BICC1: variants seen among roughly 807,000 people sequenced by gnomAD.
BICC1 encodes BicC family RNA binding protein 1, also known as protein bicaudal C homolog 1.
BICC1 carries 43 observed loss-of-function variants against 111.0 expected under a neutral mutation model. The ratio of observed to expected loss-of-function variants is 0.39; its 90% CI spans 0.30 to 0.50. The LOEUF (loss-of-function observed/expected upper bound fraction) is 0.50. Among genes scored for constraint, BICC1 ranks in the 20% least tolerant of loss-of-function variants. The probability of loss-of-function intolerance (pLI) is 0.88; values close to 1 mark genes in which losing one functional copy is unlikely to be tolerated. For missense variants in BICC1, 1,091 were observed against 1,203.2 expected, an observed-to-expected ratio of 0.91 and a Z score of 1.38; for synonymous variants, 467 against 434.4, an observed-to-expected ratio of 1.07 and a Z score of -0.93.
At chr10:58,651,194 C>T (rs1838436311) in intron 2 of BICC1, among the ~76,000 whole-genome samples, 1 of 152,226 alleles carries the variant, frequency 6.6e-6, no homozygotes, top group South Asian at 2.1e-4. Context: ...AGATTTTGGC[C>T]TTGTTCACAA....
chr10:58,585,555 T>G (rs540505188), intron 1 of BICC1, among the ~76,000 whole-genome samples: 1 of 152,202 alleles, frequency 6.6e-6, no homozygotes, highest in Non-Finnish European at 1.5e-5. Flanking sequence ...TTTCCGTGAT[T>G]GCAGTCTTCG....
Position 58,817,464 on chromosome 10 carries a change from C to G in BICC1, c.2534-98C>G. 1.5e-5 allele frequency: 20 copies of G among 1,332,066 alleles called. No homozygotes were observed. The South Asian group carries it at 2.3e-4, about 15-fold the overall frequency. 82.5% of individuals were successfully genotyped at this position (1,332,066 alleles called of 1,614,324 possible). A position where few individuals can be genotyped will look rare whatever the true frequency, so the allele number is the denominator to read the frequency against. ...ACAGCTACTGCCCTATTCAGCTGAACAATGGAAGTTGAAATATTTAGGTGA... is the reference window on the plus strand; with the variant it reads ...ACAGCTACTGCCCTATTCAGCTGAAGAATGGAAGTTGAAATATTTAGGTGA... On this transcript the variant is annotated intron_variant, in intron 18 of 20. Transcript: ENST00000373886.
At chr10:58,588,195 C>A (rs956016503) in intron 1 of BICC1, among the ~76,000 whole-genome samples, 1 of 152,136 alleles carries the variant, frequency 6.6e-6, no homozygotes, top group African/African-American at 2.4e-5. Flanking sequence ...ATTCATGACC[C>A]CTGCCCCTTT....
Position 58,769,400 on chromosome 10 carries a change from G to GTATA in BICC1, c.308-15600_308-15599insATAT, listed in dbSNP as rs1202556984. On this transcript the variant is annotated intron_variant, in intron 3 of 20. Coordinates refer to ENST00000373886, the MANE Select transcript of BICC1 (RefSeq NM_001080512.3). ...TATGTGTGTGTGTGTGTGTGTGTGT[G>GTATA]TGTGTATATATATATATATATATAT... Among the ~76,000 whole-genome samples, 376 of 106,546 alleles carry GTATA rather than the reference G, an allele frequency of 3.5e-3. 4 individuals carry two copies. Among genetic ancestry groups the GTATA allele is most frequent in the Middle Eastern group, 0.011 (2 of 180 alleles). 69.9% of individuals were successfully genotyped at this position (106,546 alleles called of 152,430 possible).
intron 1 of BICC1, among the ~76,000 whole-genome samples, chr10:58,605,242 A>G (rs763604621): frequency 7.9e-5 from 12 of 152,158 alleles, no homozygotes; most frequent in African/African-American, 2.4e-4. Flanking sequence ...ATGAAATAGT[A>G]TAAAAAGACT....
chr10:58,798,352 A>T, intron 10 of BICC1, 47 bp from the exon 11 acceptor site: 1 of 1,428,118 alleles, frequency 7.0e-7, no homozygotes, highest in Non-Finnish European at 9.4e-7. Flanking sequence ...CTCTATTTTA[A>T]AATCTTAAAT....
At chr10:58,744,040 CAGA>C (rs1033029367) in intron 3 of BICC1, among the ~76,000 whole-genome samples, 3 of 151,990 alleles carry the variant, frequency 2.0e-5, no homozygotes, top group African/African-American at 7.3e-5. Flanking sequence ...TGAACTAAGG[CAGA>C]AGAAGTTAGC....
intron 3 of BICC1, among the ~76,000 whole-genome samples, chr10:58,781,118 G>A (rs4948546): frequency 0.76 from 115,738 of 151,894 alleles, 44,727 homozygotes; most frequent in East Asian, 1. Context: ...GACACCAGAG[G>A]GATGTGAGCA....
intron 5 of BICC1, among the ~76,000 whole-genome samples, chr10:58,788,115 G>A (rs1843064868): frequency 6.6e-6 from 1 of 152,144 alleles, no homozygotes; most frequent in Admixed American, 6.5e-5. Flanking sequence ...CCTGGGGGCT[G>A]TGGGGCTTTC....
intron 3 of BICC1, among the ~76,000 whole-genome samples, chr10:58,705,429 ATTAGT>A (rs776695558): frequency 1.3e-5 from 2 of 152,128 alleles, no homozygotes; most frequent in African/African-American, 2.4e-5. Flanking sequence ...GTTAATGTGG[ATTAGT>A]TTAGAGTGAT....
At chr10:58,809,082 G>A (rs542893604) in intron 17 of BICC1, among the ~76,000 whole-genome samples, 11 of 152,068 alleles carry the variant, frequency 7.2e-5, no homozygotes, top group Non-Finnish European at 1.6e-4. Context: ...GAGTGCAATG[G>A]CAGGATCTCG....
At chr10:58,665,435 A>T (rs1439168827) in intron 2 of BICC1, among the ~76,000 whole-genome samples, 3 of 152,064 alleles carry the variant, frequency 2.0e-5, no homozygotes, top group African/African-American at 4.8e-5. Context: ...GTTTGATTGT[A>T]CTTGTTGAAG....
chr10:58,732,379 GTATATATATATATATATATATATA>G (rs1163026692), intron 3 of BICC1, among the ~76,000 whole-genome samples: 5,849 of 75,760 alleles, frequency 0.077, 1,616 homozygotes, highest in Non-Finnish European at 0.082. Context: ...GTGTGTGTAT[GTATATATATATATATATATATATA>G]TATATATATA....
At chr10:58,550,155 C>A (rs970288019) in intron 1 of BICC1, among the ~76,000 whole-genome samples, 1 of 152,050 alleles carries the variant, frequency 6.6e-6, no homozygotes, top group Non-Finnish European at 1.5e-5. Flanking sequence ...GCTGGGACTA[C>A]AGGCAGTGCC....
chr10:58,780,407 G>A (rs538524190), intron 3 of BICC1, among the ~76,000 whole-genome samples: 1 of 152,276 alleles, frequency 6.6e-6, no homozygotes, highest in East Asian at 1.9e-4. Context: ...TGTACATGCC[G>A]AGGGTGGAAG....
At chr10:58,671,051 C>T (rs558144538) in intron 2 of BICC1, among the ~76,000 whole-genome samples, 1 of 152,280 alleles carries the variant, frequency 6.6e-6, no homozygotes, top group African/African-American at 2.4e-5. Context: ...GTCTTTCTAA[C>T]CACATGGTTT....
chr10:58,639,103 T>G (rs1378796310), intron 2 of BICC1, among the ~76,000 whole-genome samples: 1 of 152,166 alleles, frequency 6.6e-6, no homozygotes, highest in African/African-American at 2.4e-5. Context: ...TAAAATCTAC[T>G]CAGCAATTTT....
rs369268315 is a variant in BICC1 at position 58,828,745 on chromosome 10, C to G, written c.2795-16C>G. 1.2e-6 allele frequency: 2 copies of G among 1,611,858 alleles called. No homozygotes were observed. The highest frequency in any genetic ancestry group is 8.5e-7 in the Non-Finnish European group (1 of 1,178,872). On this transcript the variant is annotated splice_polypyrimidine_tract_variant and intron_variant, in intron 20 of 20. Transcript: ENST00000373886. ...CTTCTCTTGAGCTCCTAACAATTCT[C>G]TCTTTCTCTCTCTAGAACTAAATAA...
At chr10:58,532,131 G>A (rs1658472) in intron 1 of BICC1, among the ~76,000 whole-genome samples, 150,553 of 151,936 alleles carry the variant, frequency 0.99, 74,601 homozygotes, top group East Asian at 1. Flanking sequence ...ACACATTCTA[G>A]TCAACTTTCC....
Sources: allele counts gnomAD v4.1 joint callset (sites outside exome capture counted in the v4.1 genomes callset), GRCh38; gene constraint gnomAD v4.1.1; transcripts MANE v1.5; gene names NCBI Gene and HGNC (gene_info 2026-07-23, HGNC 2026-07-21).